The following CIBAR2 variants were observed in gnomAD, a reference collection of about 807,000 sequenced individuals.
CIBAR2 encodes CBY1 interacting BAR domain containing 2, also known as CBY1-interacting BAR domain-containing protein 2.
CIBAR2 carries 38 observed loss-of-function variants against 36.2 expected under a neutral mutation model. That is an observed-to-expected ratio of 1.05 (90% CI 0.81 to 1.38). CIBAR2 has a LOEUF of 1.38. CIBAR2 is among the 40% of genes most tolerant of loss of function. The probability of loss-of-function intolerance (pLI) is 0.00; values close to 1 mark genes in which losing one functional copy is unlikely to be tolerated. For synonymous variants in CIBAR2, 182 were observed against 149.5 expected, an observed-to-expected ratio of 1.22 and a Z score of -1.58; for missense variants, 481 against 383.4, an observed-to-expected ratio of 1.25 and a Z score of -2.13.
chr16:85,104,544 C>A (rs1220005499), intron 6 of CIBAR2, among the ~76,000 whole-genome samples: 2 of 152,022 alleles, frequency 1.3e-5, no homozygotes, highest in Admixed American at 6.6e-5. Flanking sequence ...CACCTCCCCC[C>A]ATCTCTACTA....
At position 85,109,686 on chromosome 16, in the gene CIBAR2, A is replaced by G. The variant is rs1185676539; in HGVS notation, c.255+540T>C. Among the ~76,000 whole-genome samples the G allele has an allele frequency of 2.0e-5, 3 of 152,050 alleles. No homozygotes were observed. In the East Asian group the frequency reaches 5.8e-4, roughly 29 times the overall value. ...AGCTGCTTATTTATTTATTTTAGAG[A>G]TGGAGTCTTGCTATGTTTCCTAGGC... On this transcript the variant is annotated intron_variant, in intron 2 of 8. Coordinates refer to ENST00000539556, the MANE Select transcript of CIBAR2 (RefSeq NM_198491.3).
At chr16:85,105,547 A>C (rs916343869) in intron 5 of CIBAR2, 116 bp from the exon 6 acceptor site, 1 of 725,146 alleles carries the variant, frequency 1.4e-6, no homozygotes, top group Non-Finnish European at 2.3e-6. Flanking sequence ...TCCTGCCTCA[A>C]GGGACGTTTC....
rs777615366 is a variant in CIBAR2, at chr16:85,110,372, G to A, written c.109C>T (p.Arg37Cys). 8.7e-6 allele frequency: 14 copies of A among 1,613,418 alleles called. No homozygotes were observed. The Middle Eastern group carries it at 4.9e-4, about 57-fold the overall frequency. ...QFCSLLAAYTRKTARLRDKAD... is the reference protein window; with the variant it reads ...QFCSLLAAYTCKTARLRDKAD... The stretch of plus-strand genomic sequence containing the variant: ...TTGTCCCGCAGCCGGGCCGTCTTGC[G>A]CGTGTAGGCGGCCAGCAGCGAGCAG... Residue 37 changes from arginine (R) to cysteine (C), a missense_variant, in exon 2 of 9, where the codon CGC (arginine) becomes TGC (cysteine). Arg to Cys is a radical substitution (Grantham distance 180). Transcript: ENST00000539556.
intron 6 of CIBAR2, among the ~76,000 whole-genome samples, chr16:85,103,258 G>C (rs2144159053): frequency 6.6e-6 from 1 of 152,260 alleles, no homozygotes; most frequent in Non-Finnish European, 1.5e-5. Context: ...CAGCCATGGG[G>C]AACAGGCCCT....
At chr16:85,102,178 C>G in intron 7 of CIBAR2, 36 bp downstream of exon 7, 1 of 1,197,052 alleles carries the variant, frequency 8.4e-7, no homozygotes. Context: ...CTCTGCCCCA[C>G]TCCACCATAT....
At chr16:85,106,757 G>C (rs543196688) in intron 5 of CIBAR2, among the ~76,000 whole-genome samples, 1 of 152,330 alleles carries the variant, frequency 6.6e-6, no homozygotes, top group South Asian at 2.1e-4. Flanking sequence ...TTTCACAACA[G>C]TGGGAAGAAC....
At chr16:85,105,972 G>A (rs1025497171) in intron 5 of CIBAR2, among the ~76,000 whole-genome samples, 13 of 152,202 alleles carry the variant, frequency 8.5e-5, no homozygotes, top group Non-Finnish European at 8.8e-5. Context: ...GTGACCTTGG[G>A]TAAGTCACCT....
intron 6 of CIBAR2, among the ~76,000 whole-genome samples, chr16:85,104,366 C>A (rs1261329035): frequency 6.6e-6 from 1 of 152,210 alleles, no homozygotes; most frequent in Non-Finnish European, 1.5e-5. Flanking sequence ...ACAAGGGGAG[C>A]CACCAGAGGG....
intron 1 of CIBAR2, 78 bp downstream of exon 1, chr16:85,112,255 C>T (rs1459470696): frequency 4.4e-6 from 6 of 1,375,398 alleles, no homozygotes; most frequent in Non-Finnish European, 5.2e-6. Flanking sequence ...CCCTGCTGCC[C>T]TCATCTTTGT....
chr16:85,107,447 C>T (rs986573492), intron 5 of CIBAR2, among the ~76,000 whole-genome samples: 4 of 152,252 alleles, frequency 2.6e-5, no homozygotes, highest in African/African-American at 7.2e-5. Context: ...GAGGGGAAAC[C>T]GAGGCCCATG....
Position 85,112,471 on chromosome 16 carries a change from A to G in CIBAR2, c.-119T>C, listed in dbSNP as rs1354495576. The G allele has an allele frequency of 1.9e-6, 2 of 1,045,496 alleles. No individual in the cohort carries two copies. The highest frequency in any genetic ancestry group is 3.2e-5 in the African/African-American group (2 of 63,196). 64.8% of individuals were successfully genotyped at this position (1,045,496 alleles called of 1,614,324 possible). On this transcript the variant is annotated 5_prime_UTR_variant, in exon 1 of 9. Transcript: ENST00000539556. ...CAGCTGTGTGGCCTGGGCTCAAGGG[A>G]CGCTGCCACCCGGTTGCTAGGCGAT...
Position 85,098,551 on chromosome 16 carries a change from G to C in CIBAR2, c.*634C>G. ...CAAGGCCAGCTAAGTTCTTCTGACT[G>C]TTGTGGGCAGTTCTCTCTTATGGGG... On this transcript the variant is annotated 3_prime_UTR_variant, in exon 9 of 9. Coordinates refer to ENST00000539556, the MANE Select transcript of CIBAR2 (RefSeq NM_198491.3). 2 of 986,032 alleles carry C rather than the reference G, an allele frequency of 2.0e-6. No individual in the cohort carries two copies. The highest frequency in any genetic ancestry group is 2.4e-6 in the Non-Finnish European group (2 of 830,062). 61.1% of individuals were successfully genotyped at this position (986,032 alleles called of 1,614,324 possible). A position where few individuals can be genotyped will look rare whatever the true frequency, so the allele number is the denominator to read the frequency against.
chr16:85,105,112 G>T (rs2073985040), intron 6 of CIBAR2, among the ~76,000 whole-genome samples: 1 of 152,254 alleles, frequency 6.6e-6, no homozygotes, highest in South Asian at 2.1e-4. Flanking sequence ...TGGGACAGCT[G>T]CCCTGAGCAC....
Position 85,105,384 on chromosome 16 carries a change from G to A in CIBAR2, c.480C>T (p.Thr160=). ...CATCCACAGTCTCCTCCAGCTGGAG[G>A]GTGGTGCGGCTGGAGTCCACAGCGG... The part of the protein sequence containing the change: ...QRAAVDSSRT[T]LQLEETVDGF... The change falls in exon 6 of 9, where the codon ACC becomes ACT. Residue 160 remains threonine (T), a synonymous_variant. Coordinates refer to ENST00000539556, the MANE Select transcript of CIBAR2 (RefSeq NM_198491.3). The A allele has an allele frequency of 6.2e-7, 1 of 1,613,906 alleles. No individual in the cohort carries two copies. Among genetic ancestry groups the A allele is most frequent in the Non-Finnish European group, 8.5e-7 (1 of 1,179,976 alleles).
intron 1 of CIBAR2, among the ~76,000 whole-genome samples, chr16:85,112,061 G>A (rs1221301998): frequency 1.3e-5 from 2 of 152,194 alleles, no homozygotes; most frequent in Admixed American, 1.3e-4. Flanking sequence ...GTGGAGGCGA[G>A]AAAGGAAAGG....
In CIBAR2 at chr16:85,107,912, A is replaced by G. The variant is rs370586803; in HGVS notation, c.360T>C (p.His120=). The change falls in exon 4 of 9, where the codon CAT becomes CAC. Residue 120 remains histidine, a synonymous_variant. Transcript: ENST00000539556. ...CCAGTTTTTCCAGTTGTTTGATCTCATGATTTTGGACATGTTTGAATTTCT... is the reference window on the plus strand; with the variant it reads ...CCAGTTTTTCCAGTTGTTTGATCTCGTGATTTTGGACATGTTTGAATTTCT... ...EIKKFKHVQN[H]EIKQLEKLEK... 2.7e-4 allele frequency: 437 copies of G among 1,609,878 alleles called. No individual in the cohort carries two copies. The highest frequency in any genetic ancestry group is 7.2e-4 in the Admixed American group (43 of 59,992).
intron 5 of CIBAR2, among the ~76,000 whole-genome samples, chr16:85,106,935 C>T (rs1258105947): frequency 1.3e-5 from 2 of 152,232 alleles, no homozygotes; most frequent in East Asian, 3.9e-4. Flanking sequence ...CGCCTGAGGT[C>T]AGGAGTTCAA....
At chr16:85,102,770 G>A (rs960587821) in intron 6 of CIBAR2, among the ~76,000 whole-genome samples, 3 of 152,158 alleles carry the variant, frequency 2.0e-5, no homozygotes, top group Non-Finnish European at 4.4e-5. Context: ...CTGAGATCAC[G>A]TTGAGAAGTT....
rs981670277 is a variant in CIBAR2, at chr16:85,100,195, G to A, written c.697C>T (p.Arg233Trp). 26 of 1,611,568 alleles carry A rather than the reference G, an allele frequency of 1.6e-5. No homozygotes were observed. Among genetic ancestry groups the A allele is most frequent in the South Asian group, 2.2e-5 (2 of 90,144 alleles). The change falls in exon 8 of 9, where the codon CGG (arginine) becomes TGG (tryptophan). Residue 233 changes from arginine to tryptophan, a missense_variant. By Grantham distance (101) the Arg-to-Trp change is moderately radical. Transcript: ENST00000539556. ...MQGVYGHYDT[R>W]LLANTSPPPS... ...GGGGGGCTGGTGTTGGCAAGCAGCCGAGTGTCATAATGCCCATAAACTCCT... is the reference window on the plus strand; with the variant it reads ...GGGGGGCTGGTGTTGGCAAGCAGCCAAGTGTCATAATGCCCATAAACTCCT...
Sources: allele counts gnomAD v4.1 joint callset (sites outside exome capture counted in the v4.1 genomes callset), GRCh38; gene constraint gnomAD v4.1.1; transcripts MANE v1.5; gene names NCBI Gene and HGNC (gene_info 2026-07-23, HGNC 2026-07-21).